AKAP13: variants seen among roughly 807,000 people sequenced by gnomAD.
The protein encoded by AKAP13 is A-kinase anchoring protein 13, also known as A-kinase anchor protein 13.
Under a neutral mutation model 264.5 loss-of-function variants are expected in AKAP13, and 80 were observed. The ratio of observed to expected loss-of-function variants is 0.30; its 90% CI spans 0.25 to 0.36. AKAP13 has a LOEUF of 0.36. Ranked by LOEUF, AKAP13 falls within the 10% of genes least tolerant of loss-of-function variation. AKAP13 has a pLI of 1.00. For synonymous variants in AKAP13, 1,380 were observed against 1,250.2 expected (o/e 1.10, Z -2.19); for missense variants, 3,712 against 3,435.2 (o/e 1.08, Z -2.01).
chr15:85,666,242 A>AT (rs898627391), intron 13 of AKAP13, among the ~76,000 whole-genome samples: 1 of 152,060 alleles, frequency 6.6e-6, no homozygotes, highest in Non-Finnish European at 1.5e-5. Context: ...ATGGTATCTC[A>AT]TTGTGGTTTT....
At chr15:85,438,133 A>G (rs1212702133) in intron 1 of AKAP13, among the ~76,000 whole-genome samples, 1 of 147,626 alleles carries the variant, frequency 6.8e-6, no homozygotes, top group Non-Finnish European at 1.5e-5. Flanking sequence ...AGGATACAAA[A>G]TCAATGTACA....
intron 9 of AKAP13, among the ~76,000 whole-genome samples, chr15:85,644,662 ACACGGT>A (rs2082466696): frequency 6.9e-6 from 1 of 145,210 alleles, no homozygotes; most frequent in South Asian, 2.2e-4. Flanking sequence ...ATCCTGGCTA[ACACGGT>A]GAAACCTCAT....
rs574921202 is a variant in AKAP13, at chr15:85,458,399, T to TG, written c.-11-27311_-11-27310insG. 1.7e-4 allele frequency among the ~76,000 whole-genome samples: 26 copies of TG among 148,866 alleles called. No individual in the cohort carries two copies. In the East Asian group the frequency reaches 2.1e-3, roughly 12 times the overall value. Reference sequence around the variant, plus strand: ...TTTGTATTTTTTGTTTTTTGTTTTTTTTTTTTTTTACTATATATGTATGGA... The same window carrying TG: ...TTTGTATTTTTTGTTTTTTGTTTTTTGTTTTTTTTTACTATATATGTATGGA... On this transcript the variant is annotated intron_variant, in intron 1 of 36. Transcript: ENST00000394518.
At chr15:85,388,231 G>A (rs1371086557) in intron 1 of AKAP13, among the ~76,000 whole-genome samples, 1 of 151,366 alleles carries the variant, frequency 6.6e-6, no homozygotes, top group Non-Finnish European at 1.5e-5. Flanking sequence ...TTTAAGTGGA[G>A]ACTGGGTTTC....
intron 4 of AKAP13, chr15:85,536,922 G>A (rs906600262): frequency 1.3e-5 from 2 of 152,142 alleles, no homozygotes; most frequent in Non-Finnish European, 2.9e-5. Context: ...CTATGCATGT[G>A]TTAAAACTCA....
intron 1 of AKAP13, among the ~76,000 whole-genome samples, chr15:85,404,966 G>C (rs1473386069): frequency 2.0e-5 from 3 of 152,164 alleles, no homozygotes; most frequent in Admixed American, 6.5e-5. Context: ...TGTAGCAGTG[G>C]TTGTGTTTTT....
chr15:85,391,931 T>A (rs1407816927), intron 1 of AKAP13, among the ~76,000 whole-genome samples: 1 of 151,802 alleles, frequency 6.6e-6, no homozygotes, highest in East Asian at 1.9e-4. Flanking sequence ...ACTGTAGGCA[T>A]GTGCCACCAT....
At chr15:85,419,823 A>C (rs1359792014) in intron 1 of AKAP13, among the ~76,000 whole-genome samples, 1 of 151,932 alleles carries the variant, frequency 6.6e-6, no homozygotes, top group Non-Finnish European at 1.5e-5. Flanking sequence ...GAAATTGTGT[A>C]CCTCATTTTC....
At chr15:85,452,030 A>T (rs973721489) in intron 1 of AKAP13, among the ~76,000 whole-genome samples, 1 of 148,396 alleles carries the variant, frequency 6.7e-6, no homozygotes, top group Non-Finnish European at 1.5e-5. Context: ...TCCTCTTTAC[A>T]TAATTTCTCG....
chr15:85,687,136 AC>A (rs1260503234), intron 16 of AKAP13, among the ~76,000 whole-genome samples: 4 of 152,158 alleles, frequency 2.6e-5, no homozygotes, highest in Non-Finnish European at 2.9e-5. Context: ...CTGGACCCTG[AC>A]CTTTAAAAAA....
At chr15:85,610,707 G>A (rs1206812527) in intron 8 of AKAP13, among the ~76,000 whole-genome samples, 3 of 152,236 alleles carry the variant, frequency 2.0e-5, no homozygotes, top group Non-Finnish European at 4.4e-5. Context: ...CGGGCGTGGT[G>A]GCTCAGGCCT....
chr15:85,423,829 C>T (rs1054721615), intron 1 of AKAP13, among the ~76,000 whole-genome samples: 4 of 152,248 alleles, frequency 2.6e-5, no homozygotes, highest in Non-Finnish European at 4.4e-5. Flanking sequence ...GTCAAACTTA[C>T]TTCTGGGTCA....
At position 85,730,621 on chromosome 15, in the gene AKAP13, C is replaced by A. The variant is rs1446097963; in HGVS notation, c.7196C>A (p.Pro2399Gln). ...ACCCCTCTCCCAGAGGATTGCTCCC[C>A]AACACATAGCCCTAGAGTTCTCTTC... is the stretch of plus-strand genomic sequence containing the variant. Reference protein sequence around the residue: ...CSTPLPEDCSPTHSPRVLFRS... With the variant: ...CSTPLPEDCSQTHSPRVLFRS... The change falls in exon 30 of 37, where the codon CCA (proline) becomes CAA (glutamine). Residue 2399 changes from proline to glutamine, a missense_variant. Pro to Gln is a moderately conservative substitution (Grantham distance 76). Coordinates refer to ENST00000394518, the MANE Select transcript of AKAP13 (RefSeq NM_007200.5). The A allele has an allele frequency of 1.2e-6, 2 of 1,614,140 alleles. No individual in the cohort carries two copies. Among genetic ancestry groups the A allele is most frequent in the African/African-American group, 1.3e-5 (1 of 75,028 alleles).
At chr15:85,527,102 A>G (rs920636811) in intron 3 of AKAP13, among the ~76,000 whole-genome samples, 1 of 151,856 alleles carries the variant, frequency 6.6e-6, no homozygotes, top group Non-Finnish European at 1.5e-5. Flanking sequence ...AGCTGGGACT[A>G]CAGGCGCCCG....
At chr15:85,409,705 A>C (rs1215774016) in intron 1 of AKAP13, among the ~76,000 whole-genome samples, 1 of 143,062 alleles carries the variant, frequency 7.0e-6, no homozygotes, top group Non-Finnish European at 1.5e-5. Context: ...ATCTCGGCTC[A>C]CTGCAAGCTC....
intron 10 of AKAP13, among the ~76,000 whole-genome samples, chr15:85,650,235 G>C (rs2082739986): frequency 6.6e-6 from 1 of 152,152 alleles, no homozygotes. Flanking sequence ...ATTGACACCA[G>C]CCTGGGCAAC....
chr15:85,404,190 A>C (rs373751390), intron 1 of AKAP13, among the ~76,000 whole-genome samples: 7 of 152,230 alleles, frequency 4.6e-5, no homozygotes, highest in African/African-American at 1.7e-4. Context: ...ATTACCTCAG[A>C]TGCAGATAAG....
chr15:85,439,299 T>C (rs1172805926), intron 1 of AKAP13, among the ~76,000 whole-genome samples: 2 of 146,058 alleles, frequency 1.4e-5, no homozygotes, highest in Non-Finnish European at 3.0e-5. Flanking sequence ...AGAATGGCAA[T>C]CATTAAAAAG....
intron 12 of AKAP13, 123 bp downstream of exon 12, chr15:85,658,713 G>T: frequency 1.4e-6 from 1 of 711,170 alleles, no homozygotes. Context: ...ATCTAATTCA[G>T]GCAAATAAAA....
Sources: gnomAD v4.1 joint callset for allele counts (sites outside exome capture counted in the v4.1 genomes callset) on GRCh38, gnomAD v4.1.1 for gene constraint, MANE v1.5 for transcripts, NCBI Gene and HGNC (gene_info 2026-07-23, HGNC 2026-07-21) for gene names.